Variants in NIPAL2 observed in about 807,000 individuals in gnomAD.
NIPAL2 encodes NIPA-like protein 2.
A neutral mutation model predicts 48.9 loss-of-function variants in NIPAL2; 43 were observed. The observed-to-expected ratio is 0.88, with a 90% CI of 0.69 to 1.13. NIPAL2 has a LOEUF of 1.13. Among genes scored for constraint, NIPAL2 ranks in the 50% most tolerant of loss-of-function variants. NIPAL2 has a pLI of 0.00. For synonymous variants in NIPAL2, 167 were observed against 174.6 expected (o/e 0.96, Z 0.34); for missense variants, 446 against 461.4 (o/e 0.97, Z 0.31).
At chr8:98,219,317 C>T (rs770058080) in intron 5 of NIPAL2, among the ~76,000 whole-genome samples, 58 of 151,984 alleles carry the variant, frequency 3.8e-4, no homozygotes, top group Non-Finnish European at 7.2e-4. Context: ...GGATGGGCAA[C>T]GGGATTCTTT....
intron 4 of NIPAL2, among the ~76,000 whole-genome samples, chr8:98,223,627 C>T (rs781776685): frequency 1.3e-5 from 2 of 152,126 alleles, no homozygotes; most frequent in South Asian, 2.1e-4. Context: ...TCCTGTTCCT[C>T]GTATGCAAAT....
chr8:98,225,554 A>C (rs1193722646), intron 4 of NIPAL2, among the ~76,000 whole-genome samples: 1 of 152,200 alleles, frequency 6.6e-6, no homozygotes, highest in Non-Finnish European at 1.5e-5. Flanking sequence ...CCTCTGAAAA[A>C]TCTGCTGCCA....
At chr8:98,213,834 T>G (rs997454613) in intron 5 of NIPAL2, among the ~76,000 whole-genome samples, 7 of 152,192 alleles carry the variant, frequency 4.6e-5, no homozygotes. Flanking sequence ...TTCAGGTTGC[T>G]GTGGAGCATT....
chr8:98,253,069 C>A (rs756913577), intron 2 of NIPAL2, among the ~76,000 whole-genome samples: 2 of 152,004 alleles, frequency 1.3e-5, no homozygotes, highest in Non-Finnish European at 2.9e-5. Flanking sequence ...GTGGCCCTCT[C>A]GGTTATCAGA....
chr8:98,215,634 G>C (rs1811537970), intron 5 of NIPAL2, among the ~76,000 whole-genome samples: 1 of 152,188 alleles, frequency 6.6e-6, no homozygotes, highest in Non-Finnish European at 1.5e-5. Flanking sequence ...AAATGATGCA[G>C]CTCTGATAGG....
At chr8:98,266,737 C>G (rs1455195319) in intron 1 of NIPAL2, among the ~76,000 whole-genome samples, 1 of 151,204 alleles carries the variant, frequency 6.6e-6, no homozygotes, top group Non-Finnish European at 1.5e-5. Flanking sequence ...AGCAAAAACA[C>G]CAATTTTATT....
At chr8:98,266,495 G>A (rs1399591771) in intron 1 of NIPAL2, among the ~76,000 whole-genome samples, 4 of 150,316 alleles carry the variant, frequency 2.7e-5, no homozygotes, top group South Asian at 2.1e-4. Context: ...CCAGCTACTC[G>A]GGAGCCGAGA....
intron 4 of NIPAL2, among the ~76,000 whole-genome samples, chr8:98,229,858 C>A (rs1812353960): frequency 6.6e-6 from 1 of 152,116 alleles, no homozygotes; most frequent in Non-Finnish European, 1.5e-5. Context: ...CTAATTTAAT[C>A]CTCACAACAA....
At chr8:98,218,349 T>C (rs1811674744) in intron 5 of NIPAL2, among the ~76,000 whole-genome samples, 1 of 152,200 alleles carries the variant, frequency 6.6e-6, no homozygotes, top group Non-Finnish European at 1.5e-5. Flanking sequence ...AGATTAGAAC[T>C]CCTTCTAGTG....
intron 5 of NIPAL2, among the ~76,000 whole-genome samples, chr8:98,214,642 A>G (rs370224764): frequency 6.6e-6 from 1 of 152,058 alleles, no homozygotes. Flanking sequence ...CTCTAAATCA[A>G]CTTAAATTTG....
At chr8:98,259,933 C>T (rs1814190865) in intron 1 of NIPAL2, among the ~76,000 whole-genome samples, 1 of 152,174 alleles carries the variant, frequency 6.6e-6, no homozygotes, top group Non-Finnish European at 1.5e-5. Flanking sequence ...CGAATTGATT[C>T]CAAAGCACTC....
chr8:98,289,898 T>C (rs1816403122), intron 1 of NIPAL2, among the ~76,000 whole-genome samples: 1 of 152,206 alleles, frequency 6.6e-6, no homozygotes, highest in South Asian at 2.1e-4. Context: ...AGATAGATGG[T>C]AGCAAAGCAA....
At chr8:98,245,805 C>T (rs140491251) in intron 3 of NIPAL2, among the ~76,000 whole-genome samples, 49 of 152,292 alleles carry the variant, frequency 3.2e-4, no homozygotes, top group Non-Finnish European at 7.1e-4. Context: ...TTCTGCTGAG[C>T]GTATATGAGC....
chr8:98,252,233 C>A (rs1813628586), intron 3 of NIPAL2: 1 of 436,582 alleles, frequency 2.3e-6, no homozygotes, highest in Non-Finnish European at 4.0e-6. Flanking sequence ...ACTCAGGCAT[C>A]AGGCTTTCAC....
At chr8:98,264,216 G>A (rs1302288294) in intron 1 of NIPAL2, among the ~76,000 whole-genome samples, 4 of 139,120 alleles carry the variant, frequency 2.9e-5, no homozygotes, top group Non-Finnish European at 6.2e-5. Context: ...TTGAAAACTG[G>A]CACAAGACAG....
At chr8:98,247,084 C>T (rs1022049008) in intron 3 of NIPAL2, among the ~76,000 whole-genome samples, 8 of 152,146 alleles carry the variant, frequency 5.3e-5, no homozygotes, top group African/African-American at 1.9e-4. Flanking sequence ...TGAACTCAAT[C>T]CCCAAAGGAC....
intron 1 of NIPAL2, among the ~76,000 whole-genome samples, chr8:98,273,581 T>TA (rs887413308): frequency 3.3e-5 from 5 of 152,146 alleles, no homozygotes; most frequent in African/African-American, 1.2e-4. Flanking sequence ...TATAGGTAGA[T>TA]AGAGATATTT....
chr8:98,259,195 G>A (rs942411029), intron 1 of NIPAL2, among the ~76,000 whole-genome samples: 3 of 145,724 alleles, frequency 2.1e-5, no homozygotes, highest in Non-Finnish European at 3.0e-5. Context: ...TCCTGCCTCA[G>A]CCTCCCGTGT....
At chr8:98,228,879 T>C (rs1812306110) in intron 4 of NIPAL2, among the ~76,000 whole-genome samples, 1 of 152,192 alleles carries the variant, frequency 6.6e-6, no homozygotes, top group Non-Finnish European at 1.5e-5. Flanking sequence ...AAAGACTTCT[T>C]GCTGTTGGTT....
Sources: gnomAD v4.1 joint callset for allele counts (sites outside exome capture counted in the v4.1 genomes callset) on GRCh38, gnomAD v4.1.1 for gene constraint, MANE v1.5 for transcripts, NCBI Gene and HGNC (gene_info 2026-07-23, HGNC 2026-07-21) for gene names.